The following STK39 variants were observed in gnomAD, a reference collection of about 807,000 sequenced individuals.
STK39 encodes serine/threonine kinase 39, also known as STE20/SPS1-related proline-alanine-rich protein kinase.
STK39 carries 20 observed loss-of-function variants against 77.8 expected under a neutral mutation model. The ratio of observed to expected loss-of-function variants is 0.26; its 90% CI spans 0.18 to 0.37. The LOEUF is 0.37. Ranked by LOEUF, STK39 falls within the 10% of genes least tolerant of loss-of-function variation. STK39 has a pLI of 1.00. For missense variants in STK39, 479 were observed against 656.5 expected (o/e 0.73, Z 2.95); for synonymous variants, 246 against 234.1 (o/e 1.05, Z -0.47).
In STK39 at chr2:168,063,527, CAAG is replaced by C. The variant is rs1283144279; in HGVS notation, c.1346_1348del (p.Ser449del). 3.7e-6 allele frequency: 6 copies of C among 1,612,986 alleles called. No individual in the cohort carries two copies. Among genetic ancestry groups the C allele is most frequent in the Non-Finnish European group, 5.1e-6 (6 of 1,179,464 alleles). ...TAATCTCAAAACGAGGTTCACGGCA[CAAG>C]AAGAAGCTTCTCTGTAGTCTTCATT... is the stretch of plus-strand genomic sequence containing the variant. On this transcript the variant is annotated inframe_deletion, in exon 14 of 18. Transcript: ENST00000355999.
intron 1 of STK39, among the ~76,000 whole-genome samples, chr2:168,208,765 C>A (rs1313563058): frequency 6.6e-6 from 1 of 152,244 alleles, no homozygotes; most frequent in South Asian, 2.1e-4. Context: ...CTCTCCATCA[C>A]TGAGGCGGGG....
chr2:168,243,780 C>T (rs1035875956), intron 1 of STK39, among the ~76,000 whole-genome samples: 1 of 152,190 alleles, frequency 6.6e-6, no homozygotes, highest in African/African-American at 2.4e-5. Context: ...GATTCACTTT[C>T]ATTCCCTGTT....
chr2:168,207,802 G>A (rs1246147167), intron 1 of STK39, among the ~76,000 whole-genome samples: 3 of 152,158 alleles, frequency 2.0e-5, no homozygotes, highest in Non-Finnish European at 4.4e-5. Context: ...TACAGATAAG[G>A]ACAGTGAGGT....
At chr2:168,115,083 C>G (rs191530873) in intron 10 of STK39, among the ~76,000 whole-genome samples, 8 of 152,250 alleles carry the variant, frequency 5.3e-5, no homozygotes, top group Admixed American at 3.3e-4. Flanking sequence ...CCTGAAGTAC[C>G]TCGTATAATC....
intron 14 of STK39, among the ~76,000 whole-genome samples, chr2:168,041,550 A>C (rs4667549): frequency 0.49 from 74,685 of 151,820 alleles, 19,254 homozygotes; most frequent in Non-Finnish European, 0.56. Context: ...TGTCTAAGTG[A>C]CATCAGATTT....
In STK39 at chr2:168,185,447, A is replaced by G. The variant is rs940653338; in HGVS notation, c.209-3357T>C. ...GATTATGTCAATGGCAATCAGAGGT[A>G]AGAGATTGCTCACGTTCATTACCAT... On this transcript the variant is annotated intron_variant, in intron 1 of 17. Coordinates refer to ENST00000355999, the MANE Select transcript of STK39 (RefSeq NM_013233.3). 2.0e-5 allele frequency among the ~76,000 whole-genome samples: 3 copies of G among 152,232 alleles called. No individual in the cohort carries two copies. The East Asian group carries it at 5.8e-4, about 29-fold the overall frequency.
At chr2:168,173,661 G>A (rs969084239) in intron 2 of STK39, among the ~76,000 whole-genome samples, 3 of 152,074 alleles carry the variant, frequency 2.0e-5, no homozygotes, top group Middle Eastern at 3.2e-3. Flanking sequence ...GGGTTCAAGC[G>A]ATTCTCCTGC....
intron 17 of STK39, among the ~76,000 whole-genome samples, chr2:167,957,509 T>C (rs929591635): frequency 2.0e-5 from 3 of 152,208 alleles, no homozygotes; most frequent in African/African-American, 7.2e-5. Flanking sequence ...TTTATCTACC[T>C]TCCTAAATCA....
At chr2:168,202,001 CAG>C (rs1445348603) in intron 1 of STK39, among the ~76,000 whole-genome samples, 1 of 152,222 alleles carries the variant, frequency 6.6e-6, no homozygotes, top group Non-Finnish European at 1.5e-5. Context: ...CCCAGAGAAA[CAG>C]AAAACAACGA....
At chr2:168,230,837 A>T (rs1690435854) in intron 1 of STK39, among the ~76,000 whole-genome samples, 1 of 152,128 alleles carries the variant, frequency 6.6e-6, no homozygotes, top group Non-Finnish European at 1.5e-5. Context: ...TAAACTTGGA[A>T]ATGCCCCCAA....
chr2:168,046,001 C>T (rs1348026482), intron 14 of STK39, among the ~76,000 whole-genome samples: 8 of 152,114 alleles, frequency 5.3e-5, no homozygotes, highest in Non-Finnish European at 1.0e-4. Flanking sequence ...CATCTCATTC[C>T]CCAGATCAAT....
intron 16 of STK39, among the ~76,000 whole-genome samples, chr2:167,990,225 T>C (rs764711905): frequency 2.6e-5 from 4 of 152,226 alleles, no homozygotes; most frequent in Non-Finnish European, 4.4e-5. Flanking sequence ...TGGTACCTGA[T>C]ACGCAGGCTC....
intron 10 of STK39, among the ~76,000 whole-genome samples, chr2:168,090,786 G>C (rs1008172596): frequency 1.3e-5 from 2 of 152,126 alleles, no homozygotes; most frequent in Admixed American, 1.3e-4. Context: ...TTCGCTGTGG[G>C]GATGTGGTTA....
At chr2:168,010,450 T>C (rs551373630) in intron 16 of STK39, among the ~76,000 whole-genome samples, 1 of 152,378 alleles carries the variant, frequency 6.6e-6, no homozygotes, top group African/African-American at 2.4e-5. Context: ...ATCAATCTTT[T>C]TTCTCAGCTT....
intron 14 of STK39, among the ~76,000 whole-genome samples, chr2:168,041,222 C>T (rs958346088): frequency 3.3e-5 from 5 of 151,506 alleles, no homozygotes; most frequent in African/African-American, 1.2e-4. Context: ...ATATGCAATC[C>T]TTCCAACTCC....
chr2:168,247,483 T>TCC lies in STK39; in HGVS notation c.-50_-49dup. ...GGACGCGCCGGCCGACGGACGACCT[T>TCC]CCACTTGAAACTTCCTTTGCCTCGC... On this transcript the variant is annotated 5_prime_UTR_variant, in exon 1 of 18. Coordinates refer to ENST00000355999, the MANE Select transcript of STK39 (RefSeq NM_013233.3). 1.1e-5 allele frequency: 14 copies of TCC among 1,269,690 alleles called. No homozygotes were observed. The highest frequency in any genetic ancestry group is 1.3e-5 in the Non-Finnish European group (13 of 992,364). The allele number at this position is 1,269,690 out of a possible 1,614,324, so 78.7% of individuals were successfully genotyped here. A position where few individuals can be genotyped will look rare whatever the true frequency, so the allele number is the denominator to read the frequency against.
chr2:167,963,988 G>T (rs1175689096), intron 17 of STK39, among the ~76,000 whole-genome samples: 1 of 152,072 alleles, frequency 6.6e-6, no homozygotes, highest in Non-Finnish European at 1.5e-5. Flanking sequence ...TTGGAAAACG[G>T]TCACTTTTGA....
At chr2:168,068,210 A>G (rs932466430) in intron 12 of STK39, among the ~76,000 whole-genome samples, 4 of 152,220 alleles carry the variant, frequency 2.6e-5, no homozygotes, top group African/African-American at 9.6e-5. Flanking sequence ...AAACCATATC[A>G]GAGGAGGAGG....
intron 12 of STK39, among the ~76,000 whole-genome samples, chr2:168,069,339 T>A (rs1243432943): frequency 6.6e-6 from 1 of 152,258 alleles, no homozygotes; most frequent in Non-Finnish European, 1.5e-5. Flanking sequence ...TAACTCAATT[T>A]AAATACCAAA....
Sources: allele counts gnomAD v4.1 joint callset (sites outside exome capture counted in the v4.1 genomes callset), GRCh38; gene constraint gnomAD v4.1.1; transcripts MANE v1.5; gene names NCBI Gene and HGNC (gene_info 2026-07-23, HGNC 2026-07-21).